PCDHGA4: variants seen among roughly 807,000 people sequenced by gnomAD.
PCDHGA4 encodes the protein protocadherin gamma subfamily A, 4, also known as protocadherin gamma-A4.
Under a neutral mutation model 54.6 loss-of-function variants are expected in PCDHGA4, and 38 were observed. The observed-to-expected ratio is 0.70, with a 90% confidence interval of 0.54 to 0.91. PCDHGA4 has a LOEUF of 0.91. Ranked by LOEUF, PCDHGA4 falls within the 40% of genes least tolerant of loss-of-function variation. PCDHGA4 has a pLI of 0.00. For synonymous variants in PCDHGA4, 511 were observed against 512.9 expected, an observed-to-expected ratio of 1.00 and a Z score of 0.05; for missense variants, 1,298 against 1,220.9, an observed-to-expected ratio of 1.06 and a Z score of -0.94.
At chr5:141,374,684 G>A in intron 1 of PCDHGA4, 1 of 1,609,636 alleles carries the variant, frequency 6.2e-7, no homozygotes, top group Non-Finnish European at 8.5e-7. Flanking sequence ...GGGCACACTG[G>A]ACCGGGAAGG....
intron 2 of PCDHGA4, among the ~76,000 whole-genome samples, chr5:141,502,152 C>T (rs1306227782): frequency 2.0e-5 from 3 of 152,128 alleles, no homozygotes; most frequent in African/African-American, 4.8e-5. Flanking sequence ...AAGTAAGGAC[C>T]CCAGATATTC....
intron 1 of PCDHGA4, chr5:141,364,307 A>G: frequency 1.3e-6 from 2 of 1,522,550 alleles, no homozygotes; most frequent in Non-Finnish European, 1.8e-6. Context: ...CAGAACTAAG[A>G]GAAAATTGGG....
In PCDHGA4 at chr5:141,485,042, C is replaced by T; in HGVS notation, c.2515-9765C>T. ...CAGCAAAAACGGCGCGTAACCCTTGCGGCGCCGGCCGAACCGCGCCAGAGC... is the reference window on the plus strand; with the variant it reads ...CAGCAAAAACGGCGCGTAACCCTTGTGGCGCCGGCCGAACCGCGCCAGAGC... On this transcript the variant is annotated intron_variant, in intron 1 of 3. Coordinates refer to ENST00000571252, the MANE Select transcript of PCDHGA4 (RefSeq NM_018917.4). This position sits in a 1 kb window ranked among gnomAD's most constrained non-coding sequence, Gnocchi z 5.7. 1 of 724,054 alleles carries T rather than the reference C, an allele frequency of 1.4e-6. No individual in the cohort carries two copies. Among genetic ancestry groups the T allele is most frequent in the South Asian group, 1.8e-5 (1 of 56,650 alleles). 44.9% of individuals were successfully genotyped at this position (724,054 alleles called of 1,614,324 possible). A position where few individuals can be genotyped will look rare whatever the true frequency, so the allele number is the denominator to read the frequency against.
chr5:141,455,859 TATTA>T (rs2098833777), intron 1 of PCDHGA4, among the ~76,000 whole-genome samples: 1 of 143,846 alleles, frequency 7.0e-6, no homozygotes, highest in African/African-American at 2.5e-5. Flanking sequence ...TAATTTCTTT[TATTA>T]TTTATTTATT....
At chr5:141,450,786 C>A (rs1468388706) in intron 1 of PCDHGA4, among the ~76,000 whole-genome samples, 1 of 151,020 alleles carries the variant, frequency 6.6e-6, no homozygotes, top group Admixed American at 6.6e-5. Flanking sequence ...CGTGCCCGGA[C>A]CTCATGATTG....
chr5:141,372,633 A>ACTT, intron 1 of PCDHGA4: 1 of 1,613,996 alleles, frequency 6.2e-7, no homozygotes, highest in Non-Finnish European at 8.5e-7. Context: ...CAGCGAAAGG[A>ACTT]CTTTGCCTTA....
In PCDHGA4 at chr5:141,432,536, G is replaced by A. The variant is rs767744134; in HGVS notation, c.2515-62271G>A. 6.2e-7 allele frequency: 1 copy of A among 1,614,050 alleles called. No individual in the cohort carries two copies. Among genetic ancestry groups the A allele is most frequent in the Non-Finnish European group, 8.5e-7 (1 of 1,180,006 alleles). On this transcript the variant is annotated intron_variant, in intron 1 of 3. Coordinates refer to ENST00000571252, the MANE Select transcript of PCDHGA4 (RefSeq NM_018917.4). This position sits in a 1 kb window ranked among gnomAD's most constrained non-coding sequence, Gnocchi z 6.0. ...CGGCTACCTGGTGACCAAGGTGGTG[G>A]CGGTGGACAGAGACTCCGGCCAGAA...
At chr5:141,393,348 T>G in intron 1 of PCDHGA4, 1 of 1,613,848 alleles carries the variant, frequency 6.2e-7, no homozygotes, top group Non-Finnish European at 8.5e-7. Context: ...TCACCACTTC[T>G]CCCTGGACGT....
intron 1 of PCDHGA4, chr5:141,420,166 A>G: frequency 1.2e-6 from 2 of 1,614,036 alleles, no homozygotes; most frequent in Non-Finnish European, 1.7e-6. Flanking sequence ...ATTTTTTCAC[A>G]TCTGTTGATC....
chr5:141,395,515 C>T (rs527577408), intron 1 of PCDHGA4: 5 of 407,340 alleles, frequency 1.2e-5, no homozygotes, highest in South Asian at 7.2e-5. Context: ...AGTAGCTACC[C>T]GTCCATACTG....
At chr5:141,426,374 C>G (rs908991939) in intron 1 of PCDHGA4, 2 of 219,094 alleles carry the variant, frequency 9.1e-6, no homozygotes, top group East Asian at 1.0e-4. Flanking sequence ...GGGGCACCCT[C>G]GGAGCAGATC....
intron 1 of PCDHGA4, chr5:141,361,189 G>C: frequency 6.2e-7 from 1 of 1,613,964 alleles, no homozygotes; most frequent in Non-Finnish European, 8.5e-7. Flanking sequence ...TGTGACTTCA[G>C]TATCTACTCC....
chr5:141,383,797 G>T, intron 1 of PCDHGA4: 1 of 1,613,962 alleles, frequency 6.2e-7, no homozygotes. Flanking sequence ...GCTTACAGGA[G>T]AAATATCAAC....
At chr5:141,422,929 C>A (rs752323344) in intron 1 of PCDHGA4, 8 of 1,614,260 alleles carry the variant, frequency 5.0e-6, no homozygotes, top group Middle Eastern at 3.3e-4. Flanking sequence ...GTACCCTGCC[C>A]TCCCCACAGA....
At chr5:141,415,853 G>C (rs2154546169) in intron 1 of PCDHGA4, 1 of 1,186,350 alleles carries the variant, frequency 8.4e-7, no homozygotes, top group Admixed American at 4.0e-5. Context: ...GCAGAACCTT[G>C]TAGTTTATAG....
At chr5:141,410,404 G>A (rs79498912) in intron 1 of PCDHGA4, 32,650 of 1,614,014 alleles carry the variant, frequency 0.02, 588 homozygotes, top group African/African-American at 0.088. Context: ...TCTGTGTCAA[G>A]TCTGGACCTG....
chr5:141,357,032 C>T lies in PCDHGA4; in HGVS notation c.1925C>T (p.Ser642Phe), dbSNP rs754361100. The change falls in exon 1 of 4, where the codon TCC becomes TTC. Residue 642 changes from serine to phenylalanine, a missense_variant. Physicochemically the swap from Ser to Phe is radical, Grantham distance 155. Transcript: ENST00000571252. ...NAWLSYSLLKSSEPGLFAVGL... is the reference protein window; with the variant it reads ...NAWLSYSLLKFSEPGLFAVGL... ...TGGCTGTCCTACAGCCTACTCAAGT[C>T]CAGCGAGCCGGGACTATTTGCAGTG... 1.2e-6 allele frequency: 2 copies of T among 1,614,066 alleles called. No homozygotes were observed. The highest frequency in any genetic ancestry group is 1.7e-5 in the Admixed American group (1 of 60,028).
At position 141,356,989 on chromosome 5, in the gene PCDHGA4, G is replaced by A. The variant is rs1760420432; in HGVS notation, c.1882G>A (p.Asp628Asn). 2.5e-6 allele frequency: 4 copies of A among 1,614,240 alleles called. No individual in the cohort carries two copies. The highest frequency in any genetic ancestry group is 3.4e-6 in the Non-Finnish European group (4 of 1,180,036). Reference protein sequence around the residue: ...LVTKVVAVDRDSGQNAWLSYS... With the variant: ...LVTKVVAVDRNSGQNAWLSYS... ...GACCAAAGTGGTGGCAGTGGACAGA[G>A]ACTCAGGTCAGAATGCCTGGCTGTC... The change falls in exon 1 of 4, where the codon GAC (aspartate) becomes AAC (asparagine). Residue 628 changes from aspartate (D) to asparagine (N), a missense_variant. Physicochemically the swap from Asp to Asn is conservative, Grantham distance 23 (BLOSUM62 1). Coordinates refer to ENST00000571252, the MANE Select transcript of PCDHGA4 (RefSeq NM_018917.4).
intron 1 of PCDHGA4, chr5:141,419,409 A>G: frequency 6.2e-7 from 1 of 1,613,462 alleles, no homozygotes; most frequent in Non-Finnish European, 8.5e-7. Flanking sequence ...GTGTTCGCGC[A>G]GCGCGCCTTC....
Sources: gnomAD v4.1 joint callset for allele counts (sites outside exome capture counted in the v4.1 genomes callset) on GRCh38, gnomAD v4.1.1 for gene constraint, Gnocchi (gnomAD v3.1) non-coding constraint, MANE v1.5 for transcripts, NCBI Gene and HGNC (gene_info 2026-07-23, HGNC 2026-07-21) for gene names.